Variants in CADPS2 observed in about 807,000 individuals in gnomAD.
CADPS2 encodes calcium dependent secretion activator 2, also known as calcium-dependent secretion activator 2.
In CADPS2, 93 loss-of-function variants were observed where a neutral mutation model predicts 172.5. The observed-to-expected ratio is 0.54, with a 90% CI of 0.46 to 0.64. The LOEUF (loss-of-function observed/expected upper bound fraction) is 0.64. Ranked by LOEUF, CADPS2 falls within the 30% of genes least tolerant of loss-of-function variation. The pLI is 0.00. For missense variants in CADPS2, 1,420 were observed against 1,565.9 expected (o/e 0.91, Z 1.57); for synonymous variants, 546 against 555.2 (o/e 0.98, Z 0.23).
At chr7:122,568,775 G>A (rs1394961122) in intron 7 of CADPS2, among the ~76,000 whole-genome samples, 1 of 152,048 alleles carries the variant, frequency 6.6e-6, no homozygotes, top group Non-Finnish European at 1.5e-5. Context: ...TTTGGGTTTG[G>A]TGAAGATTTC....
intron 2 of CADPS2, among the ~76,000 whole-genome samples, chr7:122,707,580 C>T (rs1039231484): frequency 3.9e-5 from 6 of 151,996 alleles, no homozygotes; most frequent in African/African-American, 1.4e-4. Flanking sequence ...CATGAGAGCT[C>T]TCTAGGAATT....
At chr7:122,754,934 T>C (rs963772766) in intron 1 of CADPS2, among the ~76,000 whole-genome samples, 23 of 152,332 alleles carry the variant, frequency 1.5e-4, no homozygotes, top group African/African-American at 5.3e-4. Context: ...CTTAAGAACA[T>C]AGGAGAACTT....
chr7:122,691,396 A>C (rs2084342169), intron 2 of CADPS2, among the ~76,000 whole-genome samples: 2 of 152,218 alleles, frequency 1.3e-5, no homozygotes. Context: ...GTCTCCATGC[A>C]CTGCTATAGG....
rs562621054 is a variant in CADPS2, at chr7:122,467,483, T to C, written c.2186+3892A>G. On this transcript the variant is annotated intron_variant, in intron 14 of 29. Coordinates refer to ENST00000449022, the MANE Select transcript of CADPS2 (RefSeq NM_017954.11). ...GATATGATGATTTGACTGATGCCCA[T>C]TAAGGTTACTTAACAACTTTGTGAT... 8.5e-5 allele frequency among the ~76,000 whole-genome samples: 13 copies of C among 152,292 alleles called. No individual in the cohort carries two copies. The East Asian group carries it at 2.3e-3, about 27-fold the overall frequency.
intron 28 of CADPS2, chr7:122,330,784 G>T (rs2034792274): frequency 6.6e-6 from 1 of 152,240 alleles, no homozygotes; most frequent in Admixed American, 6.5e-5. Context: ...CCGTGGGCTG[G>T]TTGTCAACAC....
chr7:122,690,193 T>G (rs190024003), intron 2 of CADPS2, among the ~76,000 whole-genome samples: 1 of 152,218 alleles, frequency 6.6e-6, no homozygotes, highest in East Asian at 1.9e-4. Context: ...CCAGGGTAAA[T>G]CACGTCCCTC....
At chr7:122,832,314 A>C (rs1432820076) in intron 1 of CADPS2, among the ~76,000 whole-genome samples, 1 of 152,076 alleles carries the variant, frequency 6.6e-6, no homozygotes, top group African/African-American at 2.4e-5. Context: ...AAAAAAAAAA[A>C]AAACCCACCC....
intron 11 of CADPS2, among the ~76,000 whole-genome samples, chr7:122,486,346 A>G (rs1474245274): frequency 6.6e-6 from 1 of 152,144 alleles, no homozygotes; most frequent in African/African-American, 2.4e-5. Flanking sequence ...AAATATCAAC[A>G]TTTACAGGAG....
At chr7:122,572,575 C>A (rs1040648350) in intron 7 of CADPS2, among the ~76,000 whole-genome samples, 1 of 152,076 alleles carries the variant, frequency 6.6e-6, no homozygotes, top group Non-Finnish European at 1.5e-5. Context: ...GACCCTTTAT[C>A]AAGTTAAAGA....
rs190394615 is a variant in CADPS2 at position 122,690,581 on chromosome 7, G to T, written c.454-27012C>A. Among the ~76,000 whole-genome samples the T allele has an allele frequency of 6.6e-5, 10 of 152,276 alleles. No homozygotes were observed. The East Asian group carries it at 1.9e-3, about 29-fold the overall frequency. On this transcript the variant is annotated intron_variant, in intron 2 of 29. Coordinates refer to ENST00000449022, the MANE Select transcript of CADPS2 (RefSeq NM_017954.11). ...TCTCCCTACTTTTAGGGGTATTGGG[G>T]CAGGTAATAACAGATTATCTCTCAT... is the stretch of plus-strand genomic sequence containing the variant.
At chr7:122,328,037 C>A (rs2034217131) in intron 28 of CADPS2, among the ~76,000 whole-genome samples, 1 of 151,980 alleles carries the variant, frequency 6.6e-6, no homozygotes. Flanking sequence ...TAAGGAAAAG[C>A]AGCAACTTAG....
intron 1 of CADPS2, among the ~76,000 whole-genome samples, chr7:122,763,738 T>C (rs1355231409): frequency 1.3e-5 from 2 of 152,144 alleles, no homozygotes; most frequent in African/African-American, 4.8e-5. Context: ...AGGGGTTCTA[T>C]TCATGACAAA....
At chr7:122,329,962 A>G (rs2034628546) in intron 28 of CADPS2, among the ~76,000 whole-genome samples, 1 of 152,198 alleles carries the variant, frequency 6.6e-6, no homozygotes, top group Admixed American at 6.5e-5. Context: ...TATATTTTCT[A>G]CTTAAGTGTT....
rs1002213341 is a variant in CADPS2 at position 122,743,404 on chromosome 7, G to A, written c.340-6336C>T. 4.6e-5 allele frequency among the ~76,000 whole-genome samples: 7 copies of A among 152,040 alleles called. No individual in the cohort carries two copies. The South Asian group carries it at 1.2e-3, about 27-fold the overall frequency. ...TAAGCCAGGATTTATACTACTGCAG[G>A]AGACCAGCCAATATGCAACCCAGGA... On this transcript the variant is annotated intron_variant, in intron 1 of 29. Coordinates refer to ENST00000449022, the MANE Select transcript of CADPS2 (RefSeq NM_017954.11).
chr7:122,506,727 TA>T (rs5887092), intron 9 of CADPS2, among the ~76,000 whole-genome samples: 50,115 of 141,930 alleles, frequency 0.35, 8,561 homozygotes, highest in African/African-American at 0.42. Flanking sequence ...TAGAGTTATT[TA>T]AAAAAAAAAA....
At chr7:122,369,126 T>G (rs2041377537) in intron 25 of CADPS2, among the ~76,000 whole-genome samples, 1 of 58,902 alleles carries the variant, frequency 1.7e-5, no homozygotes. Flanking sequence ...GAATTTTTGT[T>G]TCCCCCCCCC....
intron 1 of CADPS2, among the ~76,000 whole-genome samples, chr7:122,859,898 G>A (rs528691398): frequency 1.4e-4 from 21 of 152,094 alleles, no homozygotes; most frequent in African/African-American, 4.3e-4. Flanking sequence ...CCCCATGGAT[G>A]TGGAGGGCCA....
intron 2 of CADPS2, among the ~76,000 whole-genome samples, chr7:122,682,743 C>T (rs926432380): frequency 6.6e-6 from 1 of 152,120 alleles, no homozygotes; most frequent in African/African-American, 2.4e-5. Context: ...TGAGGAGACC[C>T]GAGAGTTCAA....
chr7:122,833,078 C>G (rs771045488), intron 1 of CADPS2, among the ~76,000 whole-genome samples: 3 of 152,318 alleles, frequency 2.0e-5, no homozygotes, highest in African/African-American at 7.2e-5. Flanking sequence ...CCATGCACAA[C>G]TACTACTAAC....
Sources: gnomAD v4.1 joint callset for allele counts (sites outside exome capture counted in the v4.1 genomes callset) on GRCh38, gnomAD v4.1.1 for gene constraint, MANE v1.5 for transcripts, NCBI Gene and HGNC (gene_info 2026-07-23, HGNC 2026-07-21) for gene names.